The following PTPRG variants were observed in gnomAD, a reference collection of about 807,000 sequenced individuals.
PTPRG encodes protein tyrosine phosphatase receptor type G.
In PTPRG, 102 loss-of-function variants were observed where a neutral mutation model predicts 165.3. The observed-to-expected ratio is 0.62, with a 90% CI of 0.53 to 0.73. PTPRG has a LOEUF of 0.73. Ranked by LOEUF, PTPRG falls within the 30% of genes least tolerant of loss-of-function variation. The probability of loss-of-function intolerance (pLI) is 0.00; values close to 1 mark genes in which losing one functional copy is unlikely to be tolerated. For synonymous variants in PTPRG, 675 were observed against 669.5 expected (o/e 1.01, Z -0.13); for missense variants, 1,866 against 1,861.4 (o/e 1.00, Z -0.05).
chr3:61,871,771 A>G (rs1327590121), intron 2 of PTPRG, among the ~76,000 whole-genome samples: 2 of 152,152 alleles, frequency 1.3e-5, no homozygotes, highest in Non-Finnish European at 2.9e-5. Context: ...TGGAAATCAC[A>G]AGGCCTTTTG....
intron 2 of PTPRG, among the ~76,000 whole-genome samples, chr3:61,772,009 G>A (rs72624883): frequency 0.08 from 11,339 of 141,354 alleles, 857 homozygotes; most frequent in East Asian, 0.43. Context: ...GCAGTGAGCC[G>A]AGACGATGCC....
chr3:62,015,158 G>A (rs1183263961), intron 4 of PTPRG, among the ~76,000 whole-genome samples: 3 of 152,320 alleles, frequency 2.0e-5, no homozygotes, highest in African/African-American at 7.2e-5. Context: ...ATGACGCACA[G>A]TGTTTATTCA....
chr3:61,663,279 T>A (rs1213783686), intron 1 of PTPRG, among the ~76,000 whole-genome samples: 1 of 152,258 alleles, frequency 6.6e-6, no homozygotes, highest in African/African-American at 2.4e-5. Context: ...GGTAGGGACA[T>A]GTCTGTATTA....
At chr3:61,803,946 T>C (rs185302249) in intron 2 of PTPRG, among the ~76,000 whole-genome samples, 16 of 152,328 alleles carry the variant, frequency 1.1e-4, no homozygotes, top group African/African-American at 3.8e-4. Flanking sequence ...TCACTACCTT[T>C]CCCTTAGAGT....
intron 2 of PTPRG, among the ~76,000 whole-genome samples, chr3:61,870,314 A>G (rs1442421052): frequency 2.1e-5 from 3 of 143,906 alleles, no homozygotes; most frequent in Non-Finnish European, 4.5e-5. Flanking sequence ...AGGAAAAATT[A>G]TTCTTTTTTT....
chr3:62,145,264 A>G (rs1576059862), intron 6 of PTPRG, among the ~76,000 whole-genome samples: 1 of 152,104 alleles, frequency 6.6e-6, no homozygotes, highest in Non-Finnish European at 1.5e-5. Context: ...TACTAATACC[A>G]GTCTTGCTGG....
At chr3:62,061,816 G>A (rs1184931996) in intron 4 of PTPRG, among the ~76,000 whole-genome samples, 2 of 151,376 alleles carry the variant, frequency 1.3e-5, no homozygotes, top group East Asian at 4.0e-4. Flanking sequence ...TTTTAGTAGA[G>A]ACGGGGTTTC....
intron 2 of PTPRG, among the ~76,000 whole-genome samples, chr3:61,804,833 C>T (rs188275214): frequency 1.5e-4 from 23 of 152,362 alleles, no homozygotes; most frequent in Admixed American, 6.5e-4. Context: ...GCCAGTGCAG[C>T]AGTTTTGAAG....
intron 2 of PTPRG, among the ~76,000 whole-genome samples, chr3:61,821,126 T>G (rs1027333430): frequency 6.6e-6 from 1 of 152,180 alleles, no homozygotes; most frequent in African/African-American, 2.4e-5. Context: ...ACAAAACATA[T>G]TAATCATATT....
intron 4 of PTPRG, among the ~76,000 whole-genome samples, chr3:62,034,935 G>T (rs868570435): frequency 2.6e-5 from 4 of 152,104 alleles, no homozygotes; most frequent in African/African-American, 9.7e-5. Context: ...CCCTGTCCGT[G>T]GCTCCTTCTT....
intron 2 of PTPRG, among the ~76,000 whole-genome samples, chr3:61,858,750 T>C (rs1472430557): frequency 6.6e-6 from 1 of 152,184 alleles, no homozygotes; most frequent in African/African-American, 2.4e-5. Context: ...ATGCCTTCTT[T>C]TCTTTTAAAA....
chr3:61,867,348 A>G (rs1028742460), intron 2 of PTPRG, among the ~76,000 whole-genome samples: 12 of 152,174 alleles, frequency 7.9e-5, no homozygotes, highest in Non-Finnish European at 1.2e-4. Flanking sequence ...GCAAAAAGCC[A>G]AGGGAAGGAG....
intron 1 of PTPRG, among the ~76,000 whole-genome samples, chr3:61,650,397 T>G (rs1559540304): frequency 6.6e-6 from 1 of 152,142 alleles, no homozygotes; most frequent in Non-Finnish European, 1.5e-5. Flanking sequence ...AAGAACACAG[T>G]GACGAGTTCC....
intron 1 of PTPRG, among the ~76,000 whole-genome samples, chr3:61,576,330 G>GTA (rs1700172876): frequency 1.3e-5 from 2 of 152,162 alleles, no homozygotes; most frequent in South Asian, 4.1e-4. Context: ...CACGAGTAGG[G>GTA]TACACATGCC....
Position 61,672,281 on chromosome 3 carries a change from G to A in PTPRG, c.86-76597G>A, listed in dbSNP as rs1417300366. 3.7e-4 allele frequency among the ~76,000 whole-genome samples: 53 copies of A among 141,514 alleles called. 1 individual carries two copies. The highest frequency in any genetic ancestry group is 3.8e-4 in the Non-Finnish European group (25 of 65,014). The allele number at this position is 141,514 out of a possible 152,430, so 92.8% of individuals were successfully genotyped here. On this transcript the variant is annotated intron_variant, in intron 1 of 29. Transcript: ENST00000474889. ...GCTCCTCACATCCCAGACGATGGGC[G>A]GCCAGGCGGAGACGCTCCTCACTTC... is the stretch of plus-strand genomic sequence containing the variant.
At chr3:62,175,878 G>A (rs74318450) in intron 8 of PTPRG, among the ~76,000 whole-genome samples, 2,521 of 152,204 alleles carry the variant, frequency 0.017, 32 homozygotes, top group Non-Finnish European at 0.026. Context: ...CTGAGGCATG[G>A]GATCCAACCT....
chr3:61,697,191 G>T (rs1040316783), intron 1 of PTPRG, among the ~76,000 whole-genome samples: 2 of 152,092 alleles, frequency 1.3e-5, no homozygotes, highest in Non-Finnish European at 2.9e-5. Flanking sequence ...TTCCAGAGGC[G>T]CCTCCCTCTA....
At chr3:61,615,854 C>CTTGT in intron 1 of PTPRG, among the ~76,000 whole-genome samples, 1 of 152,290 alleles carries the variant, frequency 6.6e-6, no homozygotes, top group East Asian at 1.9e-4. Flanking sequence ...CCAGGTTCAT[C>CTTGT]TTGTACTCTG....
chr3:62,092,860 A>G (rs1701988658), intron 5 of PTPRG, among the ~76,000 whole-genome samples: 1 of 152,236 alleles, frequency 6.6e-6, no homozygotes, highest in African/African-American at 2.4e-5. Flanking sequence ...ACCATGTACA[A>G]CAGTTGTGCA....
Sources: allele counts gnomAD v4.1 joint callset (sites outside exome capture counted in the v4.1 genomes callset), GRCh38; gene constraint gnomAD v4.1.1; transcripts MANE v1.5; gene names NCBI Gene and HGNC (gene_info 2026-07-23, HGNC 2026-07-21).